Variants in ATF2 observed in about 807,000 individuals in gnomAD.
The protein encoded by ATF2 is cyclic AMP-dependent transcription factor ATF-2.
A neutral mutation model predicts 60.6 loss-of-function variants in ATF2; 24 were observed. That is an observed-to-expected ratio of 0.40 (90% CI 0.29 to 0.56). ATF2 has a LOEUF of 0.56. Ranked by LOEUF, ATF2 falls within the 20% of genes least tolerant of loss-of-function variation. The probability of loss-of-function intolerance (pLI) is 0.54; values close to 1 mark genes in which losing one functional copy is unlikely to be tolerated. For missense variants in ATF2, 433 were observed against 607.7 expected (o/e 0.71, Z 3.02); for synonymous variants, 206 against 215.4 (o/e 0.96, Z 0.38).
chr2:175,161,142 T>G (rs1472730773), intron 1 of ATF2, among the ~76,000 whole-genome samples: 2 of 152,210 alleles, frequency 1.3e-5, no homozygotes, highest in Non-Finnish European at 2.9e-5. Context: ...AGAAAATGTC[T>G]GAGAAGGGGT....
At chr2:175,130,812 G>C (rs993156672) in intron 3 of ATF2, among the ~76,000 whole-genome samples, 3 of 152,100 alleles carry the variant, frequency 2.0e-5, no homozygotes, top group Non-Finnish European at 4.4e-5. Flanking sequence ...AGGAGATAAG[G>C]TAGTATTAAC....
chr2:175,103,988 T>TTTAAACATTAAAGTTTAAAGTTCTTAA (rs1695474839), intron 10 of ATF2, among the ~76,000 whole-genome samples: 1 of 152,076 alleles, frequency 6.6e-6, no homozygotes, highest in Non-Finnish European at 1.5e-5. Context: ...AACACATGCT[T>TTTAAACATTAAAGTTTAAAGTTCTTAA]ACTTTTCCAA....
At chr2:175,090,282 T>C (rs1261350766) in intron 12 of ATF2, among the ~76,000 whole-genome samples, 2 of 152,180 alleles carry the variant, frequency 1.3e-5, no homozygotes, top group Non-Finnish European at 2.9e-5. Flanking sequence ...TTCTATATTC[T>C]TTCACTTAAC....
chr2:175,129,609 T>C (rs1357609858), intron 4 of ATF2, among the ~76,000 whole-genome samples: 3 of 151,970 alleles, frequency 2.0e-5, no homozygotes, highest in African/African-American at 7.2e-5. Context: ...TTAAGATAAG[T>C]ATAATAGGAA....
intron 12 of ATF2, among the ~76,000 whole-genome samples, chr2:175,090,313 T>C (rs1694459253): frequency 6.6e-6 from 1 of 152,200 alleles, no homozygotes; most frequent in Admixed American, 6.5e-5. Context: ...GAGGTTCATC[T>C]ACACTGTAGC....
At chr2:175,144,521 C>T (rs1200448060) in intron 2 of ATF2, among the ~76,000 whole-genome samples, 2 of 152,172 alleles carry the variant, frequency 1.3e-5, no homozygotes, top group Non-Finnish European at 2.9e-5. Flanking sequence ...CGGCAAAACA[C>T]ATCTTCCAAC....
At chr2:175,142,194 T>C (rs964545580) in intron 2 of ATF2, among the ~76,000 whole-genome samples, 2 of 151,064 alleles carry the variant, frequency 1.3e-5, no homozygotes, top group African/African-American at 4.9e-5. Context: ...TTCTTTTTTT[T>C]TTTTTTTTTG....
intron 1 of ATF2, among the ~76,000 whole-genome samples, chr2:175,158,182 G>A (rs534761160): frequency 4.0e-5 from 6 of 151,592 alleles, no homozygotes; most frequent in Admixed American, 1.3e-4. Context: ...CTGCAGCCAC[G>A]ACCTAGTAGG....
chr2:175,094,814 G>A (rs1300451079), intron 11 of ATF2, among the ~76,000 whole-genome samples: 1 of 152,084 alleles, frequency 6.6e-6, no homozygotes, highest in Non-Finnish European at 1.5e-5. Flanking sequence ...GGTGGCATGT[G>A]CTTGTGGTCC....
intron 10 of ATF2, 121 bp downstream of exon 10, chr2:175,111,447 T>C: frequency 1.1e-6 from 1 of 891,706 alleles, no homozygotes; most frequent in Non-Finnish European, 1.7e-6. Context: ...ATCTATAGTA[T>C]AAAACAGTCC....
At chr2:175,105,771 T>C (rs927859134) in intron 10 of ATF2, among the ~76,000 whole-genome samples, 2 of 151,956 alleles carry the variant, frequency 1.3e-5, no homozygotes, top group African/African-American at 4.8e-5. Flanking sequence ...TAAAGGAAAA[T>C]CAAATATACC....
At chr2:175,150,460 A>G (rs532163635) in intron 2 of ATF2, among the ~76,000 whole-genome samples, 41 of 152,218 alleles carry the variant, frequency 2.7e-4, no homozygotes, top group African/African-American at 9.1e-4. Flanking sequence ...TAGAAAAAAA[A>G]ATTTTTTTTT....
At chr2:175,161,981 G>C (rs534856066) in intron 1 of ATF2, among the ~76,000 whole-genome samples, 3 of 152,014 alleles carry the variant, frequency 2.0e-5, no homozygotes, top group Non-Finnish European at 4.4e-5. Flanking sequence ...GGCTGGTCTC[G>C]AACTCCTGAC....
At chr2:175,105,993 A>G (rs1198691848) in intron 10 of ATF2, among the ~76,000 whole-genome samples, 5 of 152,176 alleles carry the variant, frequency 3.3e-5, no homozygotes, top group African/African-American at 1.2e-4. Flanking sequence ...TTATAGCTTT[A>G]AATGTCTATA....
intron 4 of ATF2, 110 bp downstream of exon 4, chr2:175,130,028 A>C (rs1280647280): frequency 1.1e-6 from 1 of 891,822 alleles, no homozygotes; most frequent in Non-Finnish European, 1.6e-6. Context: ...TCCTAACTCT[A>C]AAATTTTACA....
At chr2:175,159,781 C>T (rs1699905258) in intron 1 of ATF2, among the ~76,000 whole-genome samples, 1 of 152,000 alleles carries the variant, frequency 6.6e-6, no homozygotes, top group Admixed American at 6.6e-5. Context: ...ATAACAAATA[C>T]ATAAATACAA....
intron 2 of ATF2, among the ~76,000 whole-genome samples, chr2:175,148,666 T>A (rs1699107098): frequency 6.6e-6 from 1 of 152,122 alleles, no homozygotes; most frequent in African/African-American, 2.4e-5. Context: ...TAGAACAGAC[T>A]CTTTAAGTCT....
chr2:175,100,277 T>A (rs1439240465), intron 10 of ATF2, among the ~76,000 whole-genome samples: 7 of 152,226 alleles, frequency 4.6e-5, no homozygotes, highest in African/African-American at 1.7e-4. Flanking sequence ...ATCTGACTCG[T>A]AAAAGAATTT....
chr2:175,168,005 C>T (rs1177196446), intron 1 of ATF2, 45 bp downstream of exon 1: 6 of 324,616 alleles, frequency 1.8e-5, no homozygotes, highest in Non-Finnish European at 3.1e-5. Context: ...TTCTCCGTAT[C>T]CCTACAGTCT....
Sources: allele counts gnomAD v4.1 joint callset (sites outside exome capture counted in the v4.1 genomes callset), GRCh38; gene constraint gnomAD v4.1.1; transcripts MANE v1.5; gene names NCBI Gene and HGNC (gene_info 2026-07-23, HGNC 2026-07-21).